The following MEGF10 variants were observed in gnomAD, a reference collection of about 807,000 sequenced individuals.
MEGF10 encodes the protein multiple EGF like domains 10.
A neutral mutation model predicts 147.5 loss-of-function variants in MEGF10; 86 were observed. That is an observed-to-expected ratio of 0.58 (90% CI 0.49 to 0.70). The LOEUF (loss-of-function observed/expected upper bound fraction) is 0.70. MEGF10 is among the 30% of genes least tolerant of loss of function. MEGF10 has a pLI of 0.00. For synonymous variants in MEGF10, 478 were observed against 525.5 expected, an observed-to-expected ratio of 0.91 and a Z score of 1.24; for missense variants, 1,329 against 1,487.3, an observed-to-expected ratio of 0.89 and a Z score of 1.75.
At chr5:127,282,611 G>C in the MEGF10 span, among the ~76,000 whole-genome samples, 1 of 152,152 alleles carries the variant, frequency 6.6e-6, no homozygotes, top group Admixed American at 6.5e-5. Context: ...TGCAGGCTTT[G>C]CCATTACTTC....
At chr5:127,436,967 G>A (rs1223391834) in intron 16 of MEGF10, among the ~76,000 whole-genome samples, 3 of 152,220 alleles carry the variant, frequency 2.0e-5, no homozygotes, top group East Asian at 3.8e-4. Flanking sequence ...ATTTTTTAAA[G>A]CACTATCTCT....
In MEGF10 at chr5:127,459,912, G is replaced by A. The variant is rs189578341; in HGVS notation, c.*2594G>A. 6.6e-6 allele frequency: 1 copy of A among 152,276 alleles called. No homozygotes were observed. Among genetic ancestry groups the A allele is most frequent in the East Asian group, 1.9e-4 (1 of 5,190 alleles). 9.4% of individuals were successfully genotyped at this position (152,276 alleles called of 1,614,324 possible). On this transcript the variant is annotated 3_prime_UTR_variant, in exon 25 of 25. Transcript: ENST00000503335. ...TTGATATCAATTTGGGTAAAGAAAG[G>A]AATACTTTTGTTAGAATGAGAATTA...
At chr5:127,294,935 C>T (rs1759432972) in intron 1 of MEGF10, among the ~76,000 whole-genome samples, 1 of 152,066 alleles carries the variant, frequency 6.6e-6, no homozygotes, top group South Asian at 2.1e-4. Flanking sequence ...AACATTATTG[C>T]AGGCAGTATA....
intron 4 of MEGF10, among the ~76,000 whole-genome samples, chr5:127,357,628 T>TAAATAAATAAATAAAA (rs1200837347): frequency 3.0e-5 from 4 of 134,984 alleles, no homozygotes; most frequent in African/African-American, 5.3e-5. Context: ...AATAAATAAA[T>TAAATAAATAAATAAAA]AAAATTTAAA....
chr5:127,407,460 G>A (rs1174832608), intron 8 of MEGF10, among the ~76,000 whole-genome samples: 1 of 152,070 alleles, frequency 6.6e-6, no homozygotes, highest in East Asian at 1.9e-4. Context: ...GACCCTCACT[G>A]GTTTTGGGAA....
intron 18 of MEGF10, among the ~76,000 whole-genome samples, chr5:127,442,331 A>T (rs2127018562): frequency 6.6e-6 from 1 of 152,324 alleles, no homozygotes; most frequent in African/African-American, 2.4e-5. Flanking sequence ...ATATTTTGTC[A>T]CGAAGATTTT....
intron 5 of MEGF10, among the ~76,000 whole-genome samples, chr5:127,392,961 G>C (rs539041155): frequency 3.5e-4 from 53 of 152,280 alleles, no homozygotes; most frequent in African/African-American, 1.2e-3. Flanking sequence ...CATTTCCGGC[G>C]GTTAGTGCAG....
At chr5:127,309,947 C>CTCTTTCTT (rs745938777) in intron 1 of MEGF10, among the ~76,000 whole-genome samples, 6,638 of 90,308 alleles carry the variant, frequency 0.074, 291 homozygotes, top group East Asian at 0.13. Context: ...TCCTTGCCAA[C>CTCTTTCTT]TCTTTCTTTC....
At chr5:127,295,232 A>G (rs1051210830) in intron 1 of MEGF10, among the ~76,000 whole-genome samples, 1 of 152,232 alleles carries the variant, frequency 6.6e-6, no homozygotes, top group African/African-American at 2.4e-5. Flanking sequence ...AGCCAAATAT[A>G]TTATGAAATC....
chr5:127,266,603 G>C, the MEGF10 span, among the ~76,000 whole-genome samples: 6 of 152,136 alleles, frequency 3.9e-5, no homozygotes, highest in Non-Finnish European at 8.8e-5. Context: ...TTATTGAGCA[G>C]TGGTTTATAG....
intron 19 of MEGF10, chr5:127,444,590 T>A (rs1043320214): frequency 6.6e-6 from 1 of 152,206 alleles, no homozygotes; most frequent in Non-Finnish European, 1.5e-5. Context: ...AATATCTAGG[T>A]CAATTTTTTT....
intron 1 of MEGF10, among the ~76,000 whole-genome samples, chr5:127,326,167 G>T (rs7705580): frequency 0.034 from 5,100 of 151,484 alleles, 292 homozygotes; most frequent in African/African-American, 0.12. Flanking sequence ...CTCCTACCTC[G>T]GCTTCCCAAA....
Position 127,433,469 on chromosome 5 carries a change from C to T in MEGF10, c.1800C>T (p.Cys600=), listed in dbSNP as rs528654275. The T allele has an allele frequency of 1.6e-4, 261 of 1,613,290 alleles. 4 individuals are homozygous for T. In the South Asian group the frequency reaches 2.2e-3, roughly 13 times the overall value. The change falls in exon 14 of 25, where the codon TGC becomes TGT. Residue 600 remains cysteine, a synonymous_variant. Coordinates refer to ENST00000503335, the MANE Select transcript of MEGF10 (RefSeq NM_001256545.2). The part of the protein sequence containing the change: ...GASCSPDDGI[C]ECAPGFRGTT... ...CATGCTCCCCTGATGATGGCATCTG[C>T]GAGTGTGCACCAGGCTTCCGAGGCA...
At chr5:127,454,058 C>G (rs1249594979) in intron 22 of MEGF10, among the ~76,000 whole-genome samples, 1 of 152,104 alleles carries the variant, frequency 6.6e-6, no homozygotes, top group Non-Finnish European at 1.5e-5. Context: ...TTATGAAAAG[C>G]TGAATAAAGA....
At chr5:127,271,724 T>C in the MEGF10 span, among the ~76,000 whole-genome samples, 1 of 152,166 alleles carries the variant, frequency 6.6e-6, no homozygotes, top group Non-Finnish European at 1.5e-5. Context: ...TTCTCCTTCC[T>C]GCTGCCATGT....
At chr5:127,331,468 TC>T in intron 2 of MEGF10, 44 bp downstream of exon 2, 2 of 1,080,884 alleles carry the variant, frequency 1.9e-6, no homozygotes, top group Middle Eastern at 2.0e-4. Context: ...GCTGAGAAGT[TC>T]CCTTATATAC....
the MEGF10 span, among the ~76,000 whole-genome samples, chr5:127,244,367 GAA>G: frequency 5.7e-5 from 6 of 105,604 alleles, no homozygotes; most frequent in East Asian, 1.1e-3. Flanking sequence ...GCGAGACTCC[GAA>G]AAAAAAAAAA....
chr5:127,236,005 GCT>G, the MEGF10 span, among the ~76,000 whole-genome samples: 1 of 151,190 alleles, frequency 6.6e-6, no homozygotes, highest in Non-Finnish European at 1.5e-5. Flanking sequence ...ACAGAGTCTC[GCT>G]CTGTCACCAG....
At chr5:127,276,526 T>G in the MEGF10 span, among the ~76,000 whole-genome samples, 1 of 152,338 alleles carries the variant, frequency 6.6e-6, no homozygotes, top group South Asian at 2.1e-4. Context: ...GGCAAATGGA[T>G]TAAGTGACTT....
Sources: allele counts gnomAD v4.1 joint callset (sites outside exome capture counted in the v4.1 genomes callset), GRCh38; gene constraint gnomAD v4.1.1; transcripts MANE v1.5; gene names NCBI Gene and HGNC (gene_info 2026-07-23, HGNC 2026-07-21).